P4HA3: variants seen among roughly 807,000 people sequenced by gnomAD.
P4HA3 encodes prolyl 4-hydroxylase subunit alpha-3.
P4HA3 carries 60 observed loss-of-function variants against 66.7 expected under a neutral mutation model. That is an observed-to-expected ratio of 0.90 (90% confidence interval 0.73 to 1.12). The LOEUF is 1.12. Ranked by LOEUF, P4HA3 falls within the 50% of genes most tolerant of loss-of-function variation. P4HA3 has a pLI of 0.00. For synonymous variants in P4HA3, 263 were observed against 274.6 expected (o/e 0.96, Z 0.42); for missense variants, 683 against 685.8 (o/e 1.00, Z 0.05).
intron 15 of P4HA3, chr11:74,254,466 C>A: frequency 6.5e-6 from 1 of 153,008 alleles, no homozygotes. Context: ...CCAGCTGCCT[C>A]GACACAGCAC....
downstream of P4HA3, among the ~76,000 whole-genome samples, chr11:74,262,108 G>T (rs981032319): frequency 8.5e-5 from 13 of 152,144 alleles, no homozygotes; most frequent in Non-Finnish European, 1.8e-4. Flanking sequence ...CTTTAAAGAT[G>T]GTAGAGATGT....
chr11:74,289,053 T>G (rs1281338624), intron 5 of P4HA3, 26 bp downstream of exon 5: 1 of 1,497,322 alleles, frequency 6.7e-7, no homozygotes. Flanking sequence ...GACCTGTGGC[T>G]GGCTTATCTT....
chr11:74,299,500 C>T (rs1308152333), intron 3 of P4HA3, among the ~76,000 whole-genome samples: 1 of 151,986 alleles, frequency 6.6e-6, no homozygotes, highest in East Asian at 1.9e-4. Context: ...CTGAAAAATG[C>T]TAAAAATGAC....
chr11:74,285,598 C>T, intron 7 of P4HA3: 1 of 528,036 alleles, frequency 1.9e-6, no homozygotes, highest in East Asian at 3.2e-5. Flanking sequence ...AGAGAATCCT[C>T]TTGTACATCA....
chr11:74,300,790 G>A (rs1861383910), intron 3 of P4HA3, among the ~76,000 whole-genome samples: 1 of 152,148 alleles, frequency 6.6e-6, no homozygotes, highest in South Asian at 2.1e-4. Context: ...AGAGAAATGA[G>A]AATAAATGTC....
intron 15 of P4HA3, chr11:74,253,506 G>T: frequency 6.2e-7 from 1 of 1,608,774 alleles, no homozygotes. Flanking sequence ...TTTCCTGGCT[G>T]TTAGTGACCT....
chr11:74,302,992 C>T (rs1268328685), intron 2 of P4HA3, among the ~76,000 whole-genome samples: 1 of 151,012 alleles, frequency 6.6e-6, no homozygotes, highest in African/African-American at 2.4e-5. Context: ...TGTTCTGTTG[C>T]CTAGGCTGGA....
chr11:74,290,507 TAA>T (rs997882189), intron 4 of P4HA3, among the ~76,000 whole-genome samples: 2 of 150,754 alleles, frequency 1.3e-5, no homozygotes. Flanking sequence ...TTTTAGACAT[TAA>T]GTCCTTGCCC....
At chr11:74,290,603 T>C (rs929796608) in intron 4 of P4HA3, among the ~76,000 whole-genome samples, 15 of 151,976 alleles carry the variant, frequency 9.9e-5, no homozygotes, top group African/African-American at 3.4e-4. Flanking sequence ...CTTTAATCCA[T>C]CTTGAATTAA....
chr11:74,251,561 G>T, intron 15 of P4HA3: 1 of 1,565,662 alleles, frequency 6.4e-7, no homozygotes. Flanking sequence ...GCACCGTAGA[G>T]CCTAACCATC....
At chr11:74,311,263 T>A in intron 1 of P4HA3, 149 bp downstream of exon 1, 2 of 930,438 alleles carry the variant, frequency 2.1e-6, no homozygotes, top group Admixed American at 3.9e-5. Context: ...CATGCCACAA[T>A]GTCTCAGTCG....
chr11:74,273,750 T>A, intron 9 of P4HA3, 143 bp from the exon 10 acceptor site: 1 of 531,550 alleles, frequency 1.9e-6, no homozygotes, highest in Non-Finnish European at 2.9e-6. Context: ...CTGGAGTATG[T>A]GCCCGTCTTT....
intron 3 of P4HA3, among the ~76,000 whole-genome samples, chr11:74,302,160 A>G (rs1035780893): frequency 6.6e-6 from 1 of 152,204 alleles, no homozygotes; most frequent in Non-Finnish European, 1.5e-5. Context: ...GACTGGGTTC[A>G]AGCTTTAGTT....
At position 74,277,128 on chromosome 11, in the gene P4HA3, T is replaced by G. The variant is rs751108095; in HGVS notation, c.1192A>C (p.Thr398Pro). 2 of 1,613,810 alleles carry G rather than the reference T, an allele frequency of 1.2e-6. No individual in the cohort carries two copies. Among genetic ancestry groups the G allele is most frequent in the Admixed American group, 1.7e-5 (1 of 59,972 alleles). The change falls in exon 9 of 13, where the codon ACT (threonine) becomes CCT (proline). Residue 398 changes from threonine (T) to proline (P), a missense_variant. Physicochemically the swap from Thr to Pro is conservative, Grantham distance 38. Transcript: ENST00000331597. ...AGGGTCACCAGTTTTGGGTCAACAG[T>G]GTCCTTCAGCCAGGCACTAAAACAC... is the stretch of plus-strand genomic sequence containing the variant. The part of the protein sequence containing the change: ...RISKSAWLKD[T>P]VDPKLVTLNH...
chr11:74,290,665 C>G (rs1010679885), intron 4 of P4HA3, among the ~76,000 whole-genome samples: 5 of 152,104 alleles, frequency 3.3e-5, no homozygotes, highest in African/African-American at 1.2e-4. Context: ...CTACATATGG[C>G]TAGCCAGTTT....
chr11:74,286,357 C>T lies in P4HA3; in HGVS notation c.804G>A (p.Leu268=), dbSNP rs1860801711. Residue 268 remains leucine, a synonymous_variant, in exon 6 of 13, where the codon TTG becomes TTA. Transcript: ENST00000331597. The part of the protein sequence containing the change: ...PDNKRMARNV[L]KYERLLAESP... Reference sequence around the variant, plus strand: ...TCTCTGCCAAGAGCCTTTCATATTTCAAGACATTCCTGGCCATCCTCTTAT... The same window carrying T: ...TCTCTGCCAAGAGCCTTTCATATTTTAAGACATTCCTGGCCATCCTCTTAT... 1 of 1,572,108 alleles carries T rather than the reference C, an allele frequency of 6.4e-7. No homozygotes were observed. The highest frequency in any genetic ancestry group is 2.3e-5 in the East Asian group (1 of 44,132).
intron 7 of P4HA3, among the ~76,000 whole-genome samples, chr11:74,281,812 C>T (rs915734136): frequency 2.0e-5 from 3 of 151,200 alleles, no homozygotes; most frequent in African/African-American, 7.3e-5. Flanking sequence ...CAGCATGGCA[C>T]ATGTATACGT....
In P4HA3 at chr11:74,266,971, T is replaced by C; in HGVS notation, c.*277A>G. The C allele has an allele frequency of 4.9e-6, 7 of 1,429,040 alleles. No homozygotes were observed. The highest frequency in any genetic ancestry group is 4.2e-5 in the South Asian group (3 of 71,580). The allele number at this position is 1,429,040 out of a possible 1,614,324, so 88.5% of individuals were successfully genotyped here. A position where few individuals can be genotyped will look rare whatever the true frequency, so the allele number is the denominator to read the frequency against. ...GAGATGTCCTGTTCCCAACAGAGAG[T>C]ATCTGAACTCCAGAAACTTCCCTCT... On this transcript the variant is annotated 3_prime_UTR_variant, in exon 13 of 13. Transcript: ENST00000331597.
At chr11:74,276,898 T>G in intron 9 of P4HA3, 87 bp downstream of exon 9, 11 of 1,330,236 alleles carry the variant, frequency 8.3e-6, no homozygotes, top group African/African-American at 1.5e-5. Context: ...TAGTATTCCC[T>G]GAGAGCCTAC....
Sources: allele counts gnomAD v4.1 joint callset (sites outside exome capture counted in the v4.1 genomes callset), GRCh38; gene constraint gnomAD v4.1.1; transcripts MANE v1.5; gene names NCBI Gene and HGNC (gene_info 2026-07-23, HGNC 2026-07-21).